The following ST8SIA6 variants were observed in gnomAD, a reference collection of about 807,000 sequenced individuals.
ST8SIA6 encodes the protein alpha-2,8-sialyltransferase 8F.
A neutral mutation model predicts 33.6 loss-of-function variants in ST8SIA6; 39 were observed. The observed-to-expected ratio is 1.16, with a 90% CI of 0.90 to 1.52. The LOEUF (loss-of-function observed/expected upper bound fraction) is 1.52, where lower values mean the gene tolerates loss of function less well. ST8SIA6 is among the 40% of genes most tolerant of loss of function. The pLI is 0.00. For synonymous variants in ST8SIA6, 172 were observed against 167.2 expected, an observed-to-expected ratio of 1.03 and a Z score of -0.22; for missense variants, 441 against 443.8, an observed-to-expected ratio of 0.99 and a Z score of 0.06.
chr10:17,421,740 A>T (rs1403520596), intron 2 of ST8SIA6, among the ~76,000 whole-genome samples: 1 of 151,978 alleles, frequency 6.6e-6, no homozygotes, highest in East Asian at 1.9e-4. Context: ...TTTAAAAAAA[A>T]AATTGTTGTA....
At chr10:17,443,536 A>G (rs112258452) in intron 2 of ST8SIA6, among the ~76,000 whole-genome samples, 2,053 of 152,352 alleles carry the variant, frequency 0.013, 25 homozygotes, top group Middle Eastern at 0.054. Context: ...TAACTGCAAA[A>G]GCACAGGTTG....
chr10:17,324,104 AATTAT>A (rs1337294570), intron 6 of ST8SIA6, among the ~76,000 whole-genome samples: 1 of 152,192 alleles, frequency 6.6e-6, no homozygotes, highest in African/African-American at 2.4e-5. Flanking sequence ...AATTTTGAGT[AATTAT>A]ATTCTTGTCA....
chr10:17,431,517 C>G (rs1852100715), intron 2 of ST8SIA6, among the ~76,000 whole-genome samples: 2 of 152,078 alleles, frequency 1.3e-5, no homozygotes. Flanking sequence ...TATAGCCCGC[C>G]TGGGCTATGG....
intron 3 of ST8SIA6, among the ~76,000 whole-genome samples, chr10:17,368,424 A>AAAAAAAAAAAAAAAAAAAAAAAAC (rs1849629859): frequency 7.8e-6 from 1 of 128,120 alleles, no homozygotes; most frequent in Non-Finnish European, 1.6e-5. Context: ...AAAAAAAAAA[A>AAAAAAAAAAAAAAAAAAAAAAAAC]AAAAAAAATT....
At position 17,317,515 on chromosome 10, in the gene ST8SIA6, T is replaced by C. The variant is rs1014981005; in HGVS notation, c.*3363A>G. 2.0e-5 allele frequency among the ~76,000 whole-genome samples: 3 copies of C among 152,210 alleles called. No homozygotes were observed. The highest frequency in any genetic ancestry group is 4.4e-5 in the Non-Finnish European group (3 of 68,032). On this transcript the variant is annotated 3_prime_UTR_variant, in exon 8 of 8. Transcript: ENST00000377602. ...ATTTTTAATGGCATAATAATGTGTT[T>C]CCATGTCATGTTAGATAAATAAAAT... is the stretch of plus-strand genomic sequence containing the variant.
At chr10:17,329,416 G>A (rs1198365671) in intron 5 of ST8SIA6, among the ~76,000 whole-genome samples, 1 of 152,072 alleles carries the variant, frequency 6.6e-6, no homozygotes, top group Non-Finnish European at 1.5e-5. Flanking sequence ...ACTTAATTAT[G>A]TATAATTATG....
At chr10:17,364,170 C>T (rs781203399) in intron 3 of ST8SIA6, among the ~76,000 whole-genome samples, 11 of 152,156 alleles carry the variant, frequency 7.2e-5, no homozygotes, top group Non-Finnish European at 1.6e-4. Flanking sequence ...ATTAAAATTG[C>T]CATCCATGGA....
chr10:17,334,783 T>C (rs1159814839), intron 4 of ST8SIA6, among the ~76,000 whole-genome samples: 2 of 152,056 alleles, frequency 1.3e-5, no homozygotes, highest in Admixed American at 1.3e-4. Flanking sequence ...AGTGAAACAT[T>C]ATTATTGGAA....
intron 3 of ST8SIA6, among the ~76,000 whole-genome samples, chr10:17,376,943 A>C (rs1452845708): frequency 6.6e-6 from 1 of 152,228 alleles, no homozygotes; most frequent in East Asian, 1.9e-4. Context: ...AATTTTTTTT[A>C]CATCTAGGAA....
Position 17,320,992 on chromosome 10 carries a change from G to A in ST8SIA6, c.1083C>T (p.Asp361=), listed in dbSNP as rs201827742. 52 of 1,614,044 alleles carry A rather than the reference G, an allele frequency of 3.2e-5. No homozygotes were observed. The East Asian group carries it at 6.9e-4, about 21-fold the overall frequency. ...EDIPVSHHYY[D]NKLPKHGFHQ... ...GGAAACCATGTTTAGGTAGCTTGTT[G>A]TCATAATAGTGATGGCTGACAGGTA... Residue 361 remains aspartate (D), a synonymous_variant, in exon 8 of 8, where the codon GAC becomes GAT. Transcript: ENST00000377602.
rs80126699 is a variant in ST8SIA6, at chr10:17,371,899, A to C, written c.291-12299T>G. Among the ~76,000 whole-genome samples, 212 of 152,208 alleles carry C rather than the reference A, an allele frequency of 1.4e-3. 1 individual carries two copies. In the East Asian group the frequency reaches 0.039, roughly 28 times the overall value. ...AATATACTGTGGACTGCTAAGAAAT[A>C]GAAATAATATATTTATTGTCATGCT... On this transcript the variant is annotated intron_variant, in intron 3 of 7. Transcript: ENST00000377602.
intron 4 of ST8SIA6, among the ~76,000 whole-genome samples, chr10:17,333,494 C>T (rs2131587068): frequency 6.6e-6 from 1 of 151,358 alleles, no homozygotes; most frequent in South Asian, 2.1e-4. Flanking sequence ...TCACACTATA[C>T]TACAAGGCTA....
Position 17,318,573 on chromosome 10 carries a change from G to A in ST8SIA6, c.*2305C>T, listed in dbSNP as rs1176467184. On this transcript the variant is annotated 3_prime_UTR_variant, in exon 8 of 8. Coordinates refer to ENST00000377602, the MANE Select transcript of ST8SIA6 (RefSeq NM_001004470.3). Reference sequence around the variant, plus strand: ...AGACTTTCCATTCTCAATGCCCTTAGATGTACTTGAGTTTTAAGAGCAGAA... The same window carrying A: ...AGACTTTCCATTCTCAATGCCCTTAAATGTACTTGAGTTTTAAGAGCAGAA... 2.3e-6 allele frequency: 1 copy of A among 428,312 alleles called. No homozygotes were observed. Among genetic ancestry groups the A allele is most frequent in the Non-Finnish European group, 4.7e-6 (1 of 210,714 alleles). 26.5% of individuals were successfully genotyped at this position (428,312 alleles called of 1,614,324 possible). A position where few individuals can be genotyped will look rare whatever the true frequency, so the allele number is the denominator to read the frequency against.
chr10:17,382,572 T>A (rs1850191071), intron 3 of ST8SIA6, among the ~76,000 whole-genome samples: 1 of 152,208 alleles, frequency 6.6e-6, no homozygotes, highest in African/African-American at 2.4e-5. Flanking sequence ...GGCCCCTGTA[T>A]ATGCTTTTAA....
At chr10:17,364,415 T>C (rs996011199) in intron 3 of ST8SIA6, among the ~76,000 whole-genome samples, 114 of 152,296 alleles carry the variant, frequency 7.5e-4, no homozygotes, top group African/African-American at 2.7e-3. Flanking sequence ...TATTATTAGA[T>C]ATACTTCTGG....
chr10:17,437,008 AAACT>A (rs1477916004), intron 2 of ST8SIA6, among the ~76,000 whole-genome samples: 4 of 152,294 alleles, frequency 2.6e-5, no homozygotes, highest in African/African-American at 7.2e-5. Context: ...AGCAGCGTGA[AAACT>A]AACTAATACA....
intron 2 of ST8SIA6, among the ~76,000 whole-genome samples, chr10:17,417,305 C>T (rs1851635157): frequency 6.6e-6 from 1 of 152,132 alleles, no homozygotes; most frequent in Admixed American, 6.5e-5. Flanking sequence ...AACACTGAAG[C>T]TCACATTTCA....
intron 3 of ST8SIA6, among the ~76,000 whole-genome samples, chr10:17,387,750 T>TA (rs1323188436): frequency 6.6e-6 from 1 of 152,214 alleles, no homozygotes; most frequent in Admixed American, 6.5e-5. Context: ...GTGAAAAAGT[T>TA]AAGAGATTTC....
At chr10:17,446,715 C>T (rs1852720054) in intron 2 of ST8SIA6, among the ~76,000 whole-genome samples, 1 of 151,886 alleles carries the variant, frequency 6.6e-6, no homozygotes, top group Non-Finnish European at 1.5e-5. Flanking sequence ...AGACAGAAAA[C>T]AAAGATTCAC....
Sources: allele counts gnomAD v4.1 joint callset (sites outside exome capture counted in the v4.1 genomes callset), GRCh38; gene constraint gnomAD v4.1.1; transcripts MANE v1.5; gene names NCBI Gene and HGNC (gene_info 2026-07-23, HGNC 2026-07-21).